Variants in OR1L8 observed in about 807,000 individuals in gnomAD.
OR1L8 encodes the protein olfactory receptor family 1 subfamily L member 8, also known as olfactory receptor 1L8.
For missense variants in OR1L8, 330 were observed against 377.4 expected (o/e 0.87, Z 1.04); for synonymous variants, 148 against 147.0 (o/e 1.01, Z -0.05).
At chr9:122,575,728 C>G in intron 3 of OR1L8, among the ~76,000 whole-genome samples, 1 of 152,138 alleles carries the variant, frequency 6.6e-6, no homozygotes, top group South Asian at 2.1e-4. Context: ...ATTAACATAT[C>G]TATAATCTCA....
the OR1L8 span, among the ~76,000 whole-genome samples, chr9:122,547,699 G>A: frequency 6.6e-6 from 1 of 151,070 alleles, no homozygotes; most frequent in South Asian, 2.1e-4. Flanking sequence ...ATTCGTTGAT[G>A]AACACTTAGT....
At chr9:122,579,881 A>ATG (rs1829716604) in intron 1 of OR1L8, among the ~76,000 whole-genome samples, 2 of 152,202 alleles carry the variant, frequency 1.3e-5, no homozygotes, top group Non-Finnish European at 2.9e-5. Context: ...AGGCTCTAGG[A>ATG]TGAGTCTCTA....
the OR1L8 span, among the ~76,000 whole-genome samples, chr9:122,548,851 G>A: frequency 6.7e-6 from 1 of 148,462 alleles, no homozygotes; most frequent in Admixed American, 6.9e-5. Flanking sequence ...TGACTTCCTT[G>A]TAGATTCTGA....
chr9:122,569,982 A>T (rs531068995), intron 4 of OR1L8, among the ~76,000 whole-genome samples: 39 of 149,880 alleles, frequency 2.6e-4, no homozygotes, highest in African/African-American at 9.1e-4. Context: ...TTCCAATTTC[A>T]TCCATGTCCC....
intron 1 of OR1L8, among the ~76,000 whole-genome samples, chr9:122,581,824 A>G (rs993651502): frequency 2.6e-5 from 4 of 152,090 alleles, no homozygotes; most frequent in African/African-American, 9.7e-5. Context: ...GTACACATCA[A>G]TTGCTTGAAC....
At chr9:122,556,232 T>C in the OR1L8 span, among the ~76,000 whole-genome samples, 2 of 152,202 alleles carry the variant, frequency 1.3e-5, no homozygotes, top group African/African-American at 4.8e-5. Context: ...CTGAGTAATA[T>C]TTCATTGTAT....
At chr9:122,553,780 T>C in the OR1L8 span, 32 of 1,613,980 alleles carry the variant, frequency 2.0e-5, no homozygotes, top group Non-Finnish European at 2.6e-5. Context: ...CTCCTGAAGC[T>C]TGCCTGCTCA....
At chr9:122,557,107 T>C in the OR1L8 span, among the ~76,000 whole-genome samples, 2 of 152,154 alleles carry the variant, frequency 1.3e-5, no homozygotes, top group African/African-American at 4.8e-5. Context: ...CTTGCTATAA[T>C]TCTTTTAGTT....
intron 3 of OR1L8, among the ~76,000 whole-genome samples, chr9:122,574,501 T>C (rs1277654009): frequency 2.0e-5 from 3 of 152,160 alleles, no homozygotes; most frequent in African/African-American, 7.2e-5. Flanking sequence ...TGTTTGTTGC[T>C]AATATTTAAG....
the OR1L8 span, chr9:122,553,547 C>T: frequency 6.2e-7 from 1 of 1,614,108 alleles, no homozygotes; most frequent in Non-Finnish European, 8.5e-7. Context: ...TGTTTGGTGG[C>T]CTTGACAACT....
intron 4 of OR1L8, among the ~76,000 whole-genome samples, chr9:122,569,948 C>G (rs562634240): frequency 2.0e-5 from 3 of 149,686 alleles, no homozygotes; most frequent in South Asian, 4.3e-4. Context: ...TTTGTTCTTG[C>G]GATAGTTTAC....
chr9:122,564,246 C>T (rs762702649), downstream of OR1L8, among the ~76,000 whole-genome samples: 4 of 152,154 alleles, frequency 2.6e-5, no homozygotes, highest in Non-Finnish European at 4.4e-5. Context: ...TGTGTCCACT[C>T]GATCCCAAAA....
rs1193312126 is a variant in OR1L8 at position 122,568,303 on chromosome 9, G to A, written c.175C>T (p.Pro59Ser). 1 of 1,614,134 alleles carries A rather than the reference G, an allele frequency of 6.2e-7. No homozygotes were observed. The highest frequency in any genetic ancestry group is 8.5e-7 in the Non-Finnish European group (1 of 1,180,000). ...AIRFNPHLQT[P>S]MYFFLSFLSL... ...AGAAAACTCAAGAAGAAATACATAG[G>A]GGTCTGAAGATGGGGGTTGAAGCGA... is the stretch of plus-strand genomic sequence containing the variant. Residue 59 changes from proline to serine, a missense_variant, in exon 5 of 5, where the codon CCT (proline) becomes TCT (serine). Transcript: ENST00000641027.
At chr9:122,552,184 T>A in the OR1L8 span, among the ~76,000 whole-genome samples, 1 of 151,330 alleles carries the variant, frequency 6.6e-6, no homozygotes, top group African/African-American at 2.4e-5. Context: ...CAGAAGCTTC[T>A]CTATGAACCA....
chr9:122,579,164 TATA>T (rs1305859737), intron 1 of OR1L8, among the ~76,000 whole-genome samples: 12 of 152,072 alleles, frequency 7.9e-5, no homozygotes, highest in Non-Finnish European at 1.2e-4. Context: ...TTGGTTAAAT[TATA>T]ATATGTTGAT....
the OR1L8 span, among the ~76,000 whole-genome samples, chr9:122,549,657 A>G: frequency 6.6e-6 from 1 of 152,120 alleles, no homozygotes; most frequent in African/African-American, 2.4e-5. Flanking sequence ...ACTTTGTCAA[A>G]TATCAGTTGG....
chr9:122,564,217 G>T (rs1352266661), downstream of OR1L8, among the ~76,000 whole-genome samples: 1 of 152,146 alleles, frequency 6.6e-6, no homozygotes, highest in Non-Finnish European at 1.5e-5. Context: ...TGAAATTTTA[G>T]CTCAGATCCA....
the OR1L8 span, among the ~76,000 whole-genome samples, chr9:122,551,845 G>A: frequency 6.6e-6 from 1 of 152,006 alleles, no homozygotes; most frequent in Non-Finnish European, 1.5e-5. Context: ...AGCTGAAATC[G>A]AGCCATACAC....
At chr9:122,583,208 ACAAT>A (rs1007426956) in intron 1 of OR1L8, 109 bp downstream of exon 1, 6 of 152,044 alleles carry the variant, frequency 3.9e-5, no homozygotes, top group African/African-American at 1.2e-4. Context: ...ATTTTGCAAA[ACAAT>A]CAGGCAAATC....
Sources: gnomAD v4.1 joint callset for allele counts (sites outside exome capture counted in the v4.1 genomes callset) on GRCh38, gnomAD v4.1.1 for gene constraint, MANE v1.5 for transcripts, NCBI Gene and HGNC (gene_info 2026-07-23, HGNC 2026-07-21) for gene names.